Variants in SLC51B observed in about 807,000 individuals in gnomAD.
The protein encoded by SLC51B is organic solute transporter subunit beta.
SLC51B carries 6 observed loss-of-function variants against 8.0 expected under a neutral mutation model. The observed-to-expected ratio is 0.75, with a 90% CI of 0.41 to 1.48. The LOEUF (loss-of-function observed/expected upper bound fraction) is 1.48, where lower values mean the gene tolerates loss of function less well. Among genes scored for constraint, SLC51B ranks in the 40% most tolerant of loss-of-function variants. SLC51B has a pLI of 0.01. For synonymous variants in SLC51B, 61 were observed against 54.8 expected (o/e 1.11, Z -0.50); for missense variants, 150 against 149.7 (o/e 1.00, Z -0.01).
chr15:65,050,394 C>CA (rs1190350726), intron 2 of SLC51B, among the ~76,000 whole-genome samples: 5 of 152,242 alleles, frequency 3.3e-5, no homozygotes, highest in African/African-American at 7.2e-5. Context: ...GAATAAAACA[C>CA]AAAAATCTCT....
At chr15:65,050,836 C>CTTTT (rs57404080) in intron 2 of SLC51B, among the ~76,000 whole-genome samples, 85 of 95,620 alleles carry the variant, frequency 8.9e-4, no homozygotes, top group East Asian at 1.7e-3. Context: ...TCTTCTTCTT[C>CTTTT]TTTTTTTTTT....
In SLC51B at chr15:65,050,050, G is replaced by A; in HGVS notation, c.46G>A (p.Val16Ile). The A allele has an allele frequency of 5.8e-6, 9 of 1,551,868 alleles. No individual in the cohort carries two copies. The highest frequency in any genetic ancestry group is 7.0e-6 in the Non-Finnish European group (8 of 1,147,040). Residue 16 changes from valine to isoleucine, a missense_variant, in exon 2 of 4, where the codon GTA becomes ATA. Transcript: ENST00000334287. The part of the protein sequence containing the change: ...GAPGDPAGTV[V>I]PQELLEEMLW... ...TCCCGGAGACCCAGCCGGTACTGTG[G>A]TACCCCAGGAGCTGCTGGAAGAGAT...
At chr15:65,052,378 A>G (rs1229185362) in intron 3 of SLC51B, among the ~76,000 whole-genome samples, 1 of 150,022 alleles carries the variant, frequency 6.7e-6, no homozygotes, top group Non-Finnish European at 1.5e-5. Flanking sequence ...AAGTGCACAC[A>G]CTAGCTATGT....
In SLC51B at chr15:65,049,970, A is replaced by C. The variant is rs1268262308; in HGVS notation, c.-35A>C. 6.5e-7 allele frequency: 1 copy of C among 1,526,908 alleles called. No homozygotes were observed. Among genetic ancestry groups the C allele is most frequent in the South Asian group, 1.2e-5 (1 of 82,516 alleles). The allele number at this position is 1,526,908 out of a possible 1,614,324, so 94.6% of individuals were successfully genotyped here. A position where few individuals can be genotyped will look rare whatever the true frequency, so the allele number is the denominator to read the frequency against. On this transcript the variant is annotated 5_prime_UTR_variant, in exon 2 of 4. Coordinates refer to ENST00000334287, the MANE Select transcript of SLC51B (RefSeq NM_178859.4). Reference sequence around the variant, plus strand: ...AGGGCTGCTGGGGCTAAGGGGTCTAAGGACCTCGTTGCACACGCTACCAGG... The same window carrying C: ...AGGGCTGCTGGGGCTAAGGGGTCTACGGACCTCGTTGCACACGCTACCAGG...
intron 2 of SLC51B, among the ~76,000 whole-genome samples, chr15:65,051,097 G>A (rs1181130565): frequency 2.0e-5 from 3 of 152,056 alleles, no homozygotes; most frequent in South Asian, 4.1e-4. Flanking sequence ...ACCTGACTCG[G>A]CTTCCCAAAG....
chr15:65,049,750 C>T, intron 1 of SLC51B, 147 bp from the exon 2 acceptor site: 1 of 382,912 alleles, frequency 2.6e-6, no homozygotes, highest in Non-Finnish European at 4.7e-6. Context: ...CACTTCCAGT[C>T]TCTGCCCCTC....
chr15:65,048,283 G>T (rs1047223319), intron 1 of SLC51B, among the ~76,000 whole-genome samples: 1 of 152,056 alleles, frequency 6.6e-6, no homozygotes, highest in Admixed American at 6.6e-5. Flanking sequence ...CATATGAAAA[G>T]CTTAAGTCAG....
At chr15:65,046,838 G>A (rs762513182) in intron 1 of SLC51B, among the ~76,000 whole-genome samples, 21 of 151,414 alleles carry the variant, frequency 1.4e-4, no homozygotes, top group Non-Finnish European at 2.9e-4. Flanking sequence ...GCCTGTGCCC[G>A]GGAGATGGAG....
intron 2 of SLC51B, among the ~76,000 whole-genome samples, chr15:65,050,978 G>A (rs1235542583): frequency 6.6e-6 from 1 of 151,388 alleles, no homozygotes; most frequent in Non-Finnish European, 1.5e-5. Flanking sequence ...CTGAGTAGCT[G>A]GGATTACAGT....
intron 1 of SLC51B, chr15:65,049,291 C>T (rs2086616219): frequency 6.7e-6 from 1 of 148,234 alleles, no homozygotes; most frequent in South Asian, 2.1e-4. Flanking sequence ...AAGTTCTTCC[C>T]TTGCAAATAA....
chr15:65,047,971 G>A (rs1056827281), intron 1 of SLC51B, among the ~76,000 whole-genome samples: 19 of 152,024 alleles, frequency 1.2e-4, no homozygotes, highest in African/African-American at 3.9e-4. Context: ...CTGATGTCAC[G>A]AGTTCAAGAC....
intron 2 of SLC51B, among the ~76,000 whole-genome samples, chr15:65,050,442 TAAAC>T (rs1472385021): frequency 6.6e-6 from 1 of 152,124 alleles, no homozygotes; most frequent in East Asian, 1.9e-4. Context: ...GGATTAAAAA[TAAAC>T]AACTAAAACG....
intron 3 of SLC51B, 135 bp from the exon 4 acceptor site, chr15:65,052,831 C>A: frequency 1.4e-6 from 1 of 710,780 alleles, no homozygotes; most frequent in East Asian, 2.7e-5. Flanking sequence ...AATATCCAAC[C>A]ATTGCCGCTT....
At position 65,050,102 on chromosome 15, in the gene SLC51B, G is replaced by C; in HGVS notation, c.97+1G>C. On this transcript the variant is annotated splice_donor_variant, in intron 2 of 3. Coordinates refer to ENST00000334287, the MANE Select transcript of SLC51B (RefSeq NM_178859.4). LOFTEE classifies it high-confidence loss of function. ...CTTTGGTTTTTTCGTGTGGAAGATG[G>C]TAAGTGGTGAGAGATTGACGGCAGG... The C allele has an allele frequency of 6.4e-7, 1 of 1,551,316 alleles. No homozygotes were observed. Among genetic ancestry groups the C allele is most frequent in the Non-Finnish European group, 8.7e-7 (1 of 1,146,674 alleles).
intron 2 of SLC51B, among the ~76,000 whole-genome samples, chr15:65,051,131 A>C (rs2086648408): frequency 6.6e-6 from 1 of 152,098 alleles, no homozygotes; most frequent in Non-Finnish European, 1.5e-5. Flanking sequence ...GGCGTGAGCC[A>C]CTGAGCCCAG....
intron 1 of SLC51B, among the ~76,000 whole-genome samples, chr15:65,046,404 A>T (rs998090954): frequency 6.6e-6 from 1 of 152,116 alleles, no homozygotes; most frequent in African/African-American, 2.4e-5. Flanking sequence ...TGGGAGGTGG[A>T]GGTTGCAGTG....
intron 1 of SLC51B, 178 bp from the exon 2 acceptor site, chr15:65,049,718 TA>T (rs2086624801): frequency 3.7e-6 from 1 of 270,872 alleles, no homozygotes; most frequent in Non-Finnish European, 7.0e-6. Context: ...CGATGGCTTT[TA>T]ATAAATATTT....
At chr15:65,045,932 G>A (rs1336563132) in intron 1 of SLC51B, among the ~76,000 whole-genome samples, 1 of 152,184 alleles carries the variant, frequency 6.6e-6, no homozygotes, top group Non-Finnish European at 1.5e-5. Flanking sequence ...TTTGGAGGCC[G>A]AGGCAGGCCG....
chr15:65,045,732 C>T (rs144646858), intron 1 of SLC51B, 150 bp downstream of exon 1: 2 of 152,284 alleles, frequency 1.3e-5, no homozygotes, highest in East Asian at 3.9e-4. Flanking sequence ...AGTATGACAT[C>T]CTAAATGGGA....
Sources: allele counts gnomAD v4.1 joint callset (sites outside exome capture counted in the v4.1 genomes callset), GRCh38; gene constraint gnomAD v4.1.1; transcripts MANE v1.5; gene names NCBI Gene and HGNC (gene_info 2026-07-23, HGNC 2026-07-21).